The following CLSTN1 variants were observed in gnomAD, a reference collection of about 807,000 sequenced individuals.
CLSTN1 encodes the protein calsyntenin-1.
CLSTN1 carries 28 observed loss-of-function variants against 108.3 expected under a neutral mutation model. That is an observed-to-expected ratio of 0.26 (90% confidence interval 0.19 to 0.35). The LOEUF (loss-of-function observed/expected upper bound fraction) is 0.35, where lower values mean the gene tolerates loss of function less well. Ranked by LOEUF, CLSTN1 falls within the 10% of genes least tolerant of loss-of-function variation. CLSTN1 has a pLI of 1.00. For missense variants in CLSTN1, 1,157 were observed against 1,302.6 expected (o/e 0.89, Z 1.72); for synonymous variants, 524 against 534.9 (o/e 0.98, Z 0.28).
intron 1 of CLSTN1, chr1:9,781,373 A>G (rs527810454): frequency 1.4e-4 from 68 of 476,772 alleles, no homozygotes; most frequent in African/African-American, 1.3e-3. Context: ...GAATTATAAA[A>G]CCATAGCATT....
At chr1:9,764,708 C>T (rs1041486672) in intron 2 of CLSTN1, among the ~76,000 whole-genome samples, 2 of 150,150 alleles carry the variant, frequency 1.3e-5, no homozygotes, top group South Asian at 4.2e-4. Context: ...CAAACTGCAG[C>T]ACTTGCCTCC....
intron 2 of CLSTN1, among the ~76,000 whole-genome samples, chr1:9,758,198 G>A (rs545396281): frequency 1.3e-5 from 2 of 152,212 alleles, no homozygotes; most frequent in African/African-American, 4.8e-5. Flanking sequence ...TCTCTGTGTT[G>A]GTCAGGCTGG....
In CLSTN1 at chr1:9,768,682, TGGCACCATGGGGGTGGGGTTCTGTGC is replaced by T. The variant is rs1216856080; in HGVS notation, c.214+4564_214+4589del. Among the ~76,000 whole-genome samples, 11 of 40,688 alleles carry T rather than the reference TGGCACCATGGGGGTGGGGTTCTGTGC, an allele frequency of 2.7e-4. No individual in the cohort carries two copies. In the East Asian group the frequency reaches 6.5e-3, roughly 24 times the overall value. The allele number at this position is 40,688 out of a possible 152,430, so 26.7% of individuals were successfully genotyped here. A position where few individuals can be genotyped will look rare whatever the true frequency, so the allele number is the denominator to read the frequency against. ...ATCATGGGGGCGGGGTTCTGTTAGG[TGGCACCATGGGGGTGGGGTTCTGTGC>T]TGGGTGGCACCATGGGGGTGGGGTT... On this transcript the variant is annotated intron_variant, in intron 2 of 18. Transcript: ENST00000377298.
At chr1:9,768,533 ACCATGGGGGCGGGGTTCTGTGCTGGGT>A (rs1652479737) in intron 2 of CLSTN1, among the ~76,000 whole-genome samples, 1 of 97,824 alleles carries the variant, frequency 1.0e-5, no homozygotes, top group African/African-American at 3.9e-5. Context: ...GTTGGGTGGC[ACCATGGGGGCGGGGTTCTGTGCTGGGT>A]GGCACCATGG....
Position 9,734,104 on chromosome 1 carries a change from G to C in CLSTN1, c.2149C>G (p.Leu717Val), listed in dbSNP as rs1650553879. The C allele has an allele frequency of 2.5e-6, 4 of 1,614,020 alleles. No individual in the cohort carries two copies. Among genetic ancestry groups the C allele is most frequent in the Non-Finnish European group, 3.4e-6 (4 of 1,180,026 alleles). ...SLVSEEIVHDLDTCEVTVEGE... is the reference protein window; with the variant it reads ...SLVSEEIVHDVDTCEVTVEGE... ...TCCACCGTGACCTCACAGGTATCCA[G>C]GTCGTGCACGATCTCCTCGGACACC... is the stretch of plus-strand genomic sequence containing the variant. The change falls in exon 15 of 19, where the codon CTG becomes GTG. Residue 717 changes from leucine (L) to valine (V), a missense_variant. By Grantham distance (32) the Leu-to-Val change is conservative. Coordinates refer to ENST00000377298, the MANE Select transcript of CLSTN1 (RefSeq NM_001009566.3). The surrounding 1 kb of genome is among the most constrained non-coding windows in gnomAD (Gnocchi z 4.8).
intron 11 of CLSTN1, among the ~76,000 whole-genome samples, chr1:9,737,009 G>T (rs978092483): frequency 5.3e-5 from 8 of 152,060 alleles, no homozygotes; most frequent in Non-Finnish European, 1.2e-4. Context: ...GGAGGTGGAG[G>T]TTGCAGTGAG....
chr1:9,759,473 G>A lies in CLSTN1; in HGVS notation c.215-2963C>T, dbSNP rs143161213. 8.0e-3 allele frequency among the ~76,000 whole-genome samples: 1,214 copies of A among 152,264 alleles called. 13 individuals carry two copies. The highest frequency in any genetic ancestry group is 0.027 in the African/African-American group (1,127 of 41,528). On this transcript the variant is annotated intron_variant, in intron 2 of 18. Coordinates refer to ENST00000377298, the MANE Select transcript of CLSTN1 (RefSeq NM_001009566.3). Reference sequence around the variant, plus strand: ...TTGTTATTGTATTTTTAGCAGAGACGGGGTTTCACCGCGTTAGCCAGGATG... The same window carrying A: ...TTGTTATTGTATTTTTAGCAGAGACAGGGTTTCACCGCGTTAGCCAGGATG...
At chr1:9,809,762 G>A (rs180900699) in intron 1 of CLSTN1, among the ~76,000 whole-genome samples, 11 of 151,836 alleles carry the variant, frequency 7.2e-5, no homozygotes, top group Middle Eastern at 3.4e-3. Flanking sequence ...TCAGCCGGGC[G>A]CGGTGGTGGG....
chr1:9,806,964 C>T (rs1654534150), intron 1 of CLSTN1, among the ~76,000 whole-genome samples: 1 of 151,940 alleles, frequency 6.6e-6, no homozygotes, highest in Non-Finnish European at 1.5e-5. Flanking sequence ...ACCTTACTTT[C>T]ATTCTATTTT....
chr1:9,765,752 G>A lies in CLSTN1; in HGVS notation c.214+7520C>T, dbSNP rs541591331. Among the ~76,000 whole-genome samples, 4 of 151,662 alleles carry A rather than the reference G, an allele frequency of 2.6e-5. No homozygotes were observed. In the East Asian group the frequency reaches 5.9e-4, roughly 22 times the overall value. On this transcript the variant is annotated intron_variant, in intron 2 of 18. Transcript: ENST00000377298. ...AAAATTAGCCGGGCGTGGTGGCGGC[G>A]GGCGCCTGTAATCCCAGCTACTCAG...
chr1:9,736,839 C>T (rs563342901), intron 11 of CLSTN1, among the ~76,000 whole-genome samples: 3 of 152,156 alleles, frequency 2.0e-5, no homozygotes, highest in African/African-American at 4.8e-5. Context: ...TTCAGGAGGC[C>T]GAGGCGGGTG....
At chr1:9,810,173 A>AGGGGGAGGGAGGGGAGGGGGGGAGGGAG in intron 1 of CLSTN1, among the ~76,000 whole-genome samples, 1 of 33,144 alleles carries the variant, frequency 3.0e-5, no homozygotes, top group African/African-American at 1.2e-4. Flanking sequence ...AAGGGAGGGA[A>AGGGGGAGGGAGGGGAGGGGGGGAGGGAG]GGCAGGCAAG....
intron 1 of CLSTN1, among the ~76,000 whole-genome samples, chr1:9,806,674 T>C (rs1054002855): frequency 6.6e-6 from 1 of 152,180 alleles, no homozygotes; most frequent in East Asian, 1.9e-4. Context: ...GGTCAGGAGA[T>C]TGAGACCATC....
At chr1:9,766,693 T>C (rs755521012) in intron 2 of CLSTN1, among the ~76,000 whole-genome samples, 10 of 152,092 alleles carry the variant, frequency 6.6e-5, no homozygotes, top group Non-Finnish European at 1.3e-4. Flanking sequence ...AATACAAAAA[T>C]TGTTTTCTGA....
chr1:9,766,087 A>G (rs1181924198), intron 2 of CLSTN1, among the ~76,000 whole-genome samples: 2 of 152,222 alleles, frequency 1.3e-5, no homozygotes, highest in African/African-American at 4.8e-5. Context: ...CTGACTATCA[A>G]TGAAAACTAA....
At chr1:9,794,466 G>A (rs1234623290) in intron 1 of CLSTN1, among the ~76,000 whole-genome samples, 2 of 151,314 alleles carry the variant, frequency 1.3e-5, no homozygotes, top group African/African-American at 4.8e-5. Flanking sequence ...GCTTCACCAT[G>A]CCTGGCTAAT....
Position 9,734,193 on chromosome 1 carries a change from C to T in CLSTN1, c.2111-51G>A, listed in dbSNP as rs768223417. 12 of 1,579,836 alleles carry T rather than the reference C, an allele frequency of 7.6e-6. No individual in the cohort carries two copies. Among genetic ancestry groups the T allele is most frequent in the African/African-American group, 4.0e-5 (3 of 74,438 alleles). ...ATTAAGTAGGGGCAGTGGGGCCCAG[C>T]GTGGCGGGGCACACTGGATGCCCTG... is the stretch of plus-strand genomic sequence containing the variant. On this transcript the variant is annotated intron_variant, in intron 14 of 18. Coordinates refer to ENST00000377298, the MANE Select transcript of CLSTN1 (RefSeq NM_001009566.3). This position sits in a 1 kb window ranked among gnomAD's most constrained non-coding sequence, Gnocchi z 4.8.
intron 1 of CLSTN1, among the ~76,000 whole-genome samples, chr1:9,804,589 C>T (rs1288233501): frequency 1.3e-5 from 2 of 151,918 alleles, no homozygotes; most frequent in Non-Finnish European, 1.5e-5. Context: ...TCACACCAAT[C>T]ATCCCAGCAC....
At chr1:9,823,966 G>A (rs1655301870), upstream of CLSTN1, 1 of 158,212 alleles carries the variant, frequency 6.3e-6, no homozygotes, top group Non-Finnish European at 1.4e-5. This position sits in a 1 kb window ranked among gnomAD's most constrained non-coding sequence, Gnocchi z 6.3. Flanking sequence ...CAACTAAGAT[G>A]GCGGCGGCGC....
Sources: allele counts gnomAD v4.1 joint callset (sites outside exome capture counted in the v4.1 genomes callset), GRCh38; gene constraint gnomAD v4.1.1; non-coding constraint Gnocchi (gnomAD v3.1); transcripts MANE v1.5; gene names NCBI Gene and HGNC (gene_info 2026-07-23, HGNC 2026-07-21).